Variants in SLCO5A1 observed in about 807,000 individuals in gnomAD.
SLCO5A1 encodes solute carrier organic anion transporter family member 5A1, also known as organic anion transporter polypeptide-related protein 4.
SLCO5A1 carries 39 observed loss-of-function variants against 65.1 expected under a neutral mutation model. The observed-to-expected ratio is 0.60, with a 90% CI of 0.46 to 0.78. The LOEUF is 0.78. Among genes scored for constraint, SLCO5A1 ranks in the 30% least tolerant of loss-of-function variants. The pLI is 0.00. For synonymous variants in SLCO5A1, 438 were observed against 415.7 expected (o/e 1.05, Z -0.65); for missense variants, 1,029 against 1,069.4 (o/e 0.96, Z 0.53).
chr8:69,732,780 T>A (rs888611600), intron 5 of SLCO5A1, among the ~76,000 whole-genome samples: 3 of 152,078 alleles, frequency 2.0e-5, no homozygotes, highest in Non-Finnish European at 1.5e-5. Context: ...TCCCAGCTAC[T>A]TGGGAGGCTG....
intron 2 of SLCO5A1, among the ~76,000 whole-genome samples, chr8:69,826,051 T>C (rs1399235420): frequency 6.6e-6 from 1 of 152,222 alleles, no homozygotes; most frequent in African/African-American, 2.4e-5. Context: ...ATTTAATAAA[T>C]GGTGCTGGGA....
Position 69,672,931 on chromosome 8 carries a change from T to C in SLCO5A1, c.2485A>G (p.Ile829Val), listed in dbSNP as rs1012691222. The stretch of plus-strand genomic sequence containing the variant: ...AGCCCCGGGTCCGCAGAGGAACTTA[T>C]TGCTTCTGGGAAGGGCCCCGGGTAG... ...QTYPGPFPEA[I>V]SSSADPGLEE... Residue 829 changes from isoleucine (I) to valine (V), a missense_variant, in exon 10 of 10, where the codon ATA becomes GTA. Around this residue, in one of 3 missense-constraint regions of SLCO5A1, gnomAD observed 258 missense variants for 237.4 expected, o/e 1.09. Transcript: ENST00000260126. The C allele has an allele frequency of 5.0e-6, 8 of 1,614,104 alleles. No individual in the cohort carries two copies. Among genetic ancestry groups the C allele is most frequent in the African/African-American group, 4.0e-5 (3 of 74,950 alleles).
At chr8:69,798,757 C>A (rs985907777) in intron 2 of SLCO5A1, among the ~76,000 whole-genome samples, 4 of 152,142 alleles carry the variant, frequency 2.6e-5, no homozygotes, top group Admixed American at 6.5e-5. Flanking sequence ...AACCTTTGAA[C>A]AATGTGGAGG....
intron 2 of SLCO5A1, among the ~76,000 whole-genome samples, chr8:69,782,636 A>G (rs1818844762): frequency 6.6e-6 from 1 of 152,144 alleles, no homozygotes; most frequent in Admixed American, 6.5e-5. Context: ...ACAATAAGAA[A>G]GAGAACTTAT....
chr8:69,673,384 A>G, intron 9 of SLCO5A1, 58 bp from the exon 10 acceptor site: 1 of 1,454,682 alleles, frequency 6.9e-7, no homozygotes, highest in Non-Finnish European at 9.5e-7. Context: ...AAGGGAAAAC[A>G]GGTTTGTAAA....
chr8:69,790,706 T>A (rs1448916686), intron 2 of SLCO5A1, among the ~76,000 whole-genome samples: 1 of 151,992 alleles, frequency 6.6e-6, no homozygotes, highest in East Asian at 1.9e-4. Flanking sequence ...CGTGCACACA[T>A]CAGAATAATA....
intron 4 of SLCO5A1, 47 bp from the exon 5 acceptor site, chr8:69,738,251 G>A (rs1816647339): frequency 6.7e-7 from 1 of 1,495,698 alleles, no homozygotes; most frequent in Admixed American, 2.0e-5. Context: ...ACAATGGATG[G>A]AAAACAAAAT....
At chr8:69,681,799 G>A (rs186409200) in intron 7 of SLCO5A1, among the ~76,000 whole-genome samples, 8 of 152,226 alleles carry the variant, frequency 5.3e-5, no homozygotes, top group Admixed American at 3.3e-4. Flanking sequence ...CCAGTCAGGG[G>A]AGGTGCTTTC....
intron 2 of SLCO5A1, among the ~76,000 whole-genome samples, chr8:69,797,408 G>C (rs931007719): frequency 2.0e-5 from 3 of 152,108 alleles, no homozygotes; most frequent in African/African-American, 7.2e-5. Flanking sequence ...TGAAATCTGG[G>C]CACCTTGAAA....
rs117052342 is a variant in SLCO5A1, at chr8:69,710,820, T to C, written c.1424-5591A>G. Among the ~76,000 whole-genome samples, 1,340 of 152,102 alleles carry C rather than the reference T, an allele frequency of 8.8e-3. 8 individuals are homozygous for C. Among genetic ancestry groups the C allele is most frequent in the Middle Eastern group, 0.027 (8 of 294 alleles). ...CAAACAGAGTGAAGACCCATGAAAA[T>C]GTTCTTCGGCGCCCCCATCATCTGT... is the stretch of plus-strand genomic sequence containing the variant. On this transcript the variant is annotated intron_variant, in intron 5 of 9. Coordinates refer to ENST00000260126, the MANE Select transcript of SLCO5A1 (RefSeq NM_030958.3).
chr8:69,806,479 C>A (rs143751326), intron 2 of SLCO5A1, among the ~76,000 whole-genome samples: 3 of 152,288 alleles, frequency 2.0e-5, no homozygotes, highest in East Asian at 1.9e-4. Flanking sequence ...TACACTGTAG[C>A]CATTGATCTT....
intron 4 of SLCO5A1, among the ~76,000 whole-genome samples, chr8:69,741,756 A>T (rs1816795544): frequency 6.6e-6 from 1 of 152,200 alleles, no homozygotes; most frequent in Non-Finnish European, 1.5e-5. Context: ...ACCAAATCCA[A>T]ATTGAAGGAT....
At chr8:69,749,799 ATAAG>A (rs1800053109) in intron 4 of SLCO5A1, among the ~76,000 whole-genome samples, 1 of 152,116 alleles carries the variant, frequency 6.6e-6, no homozygotes, top group Admixed American at 6.5e-5. Context: ...GAGACAATAA[ATAAG>A]TAAGTAAAAT....
intron 2 of SLCO5A1, among the ~76,000 whole-genome samples, chr8:69,769,785 A>G (rs1818234772): frequency 6.6e-6 from 1 of 152,270 alleles, no homozygotes; most frequent in South Asian, 2.1e-4. Context: ...CAGAAAGGCC[A>G]GTGTAGGGTA....
At chr8:69,803,943 A>G (rs556206705) in intron 2 of SLCO5A1, among the ~76,000 whole-genome samples, 1 of 152,270 alleles carries the variant, frequency 6.6e-6, no homozygotes, top group South Asian at 2.1e-4. Flanking sequence ...CTCTGTCTCT[A>G]AAAAATAAAA....
rs923388044 is a variant in SLCO5A1 at position 69,671,554 on chromosome 8, A to G, written c.*1315T>C. 2.6e-5 allele frequency: 4 copies of G among 152,196 alleles called. No individual in the cohort carries two copies. The allele number at this position is 152,196 out of a possible 1,614,324, so 9.4% of individuals were successfully genotyped here. A position where few individuals can be genotyped will look rare whatever the true frequency, so the allele number is the denominator to read the frequency against. ...GCATTCTCTATGATGCTTACTTCAAAGTGATGTGCTGGGAGGTACTGAAAA... is the reference window on the plus strand; with the variant it reads ...GCATTCTCTATGATGCTTACTTCAAGGTGATGTGCTGGGAGGTACTGAAAA... On this transcript the variant is annotated 3_prime_UTR_variant, in exon 10 of 10. Coordinates refer to ENST00000260126, the MANE Select transcript of SLCO5A1 (RefSeq NM_030958.3).
intron 2 of SLCO5A1, among the ~76,000 whole-genome samples, chr8:69,827,106 A>C (rs949123998): frequency 4.4e-4 from 59 of 133,950 alleles, no homozygotes; most frequent in African/African-American, 1.6e-3. Context: ...ATGAGAACAC[A>C]TGGACACAGA....
At chr8:69,802,216 A>G (rs1819773082) in intron 2 of SLCO5A1, among the ~76,000 whole-genome samples, 1 of 152,160 alleles carries the variant, frequency 6.6e-6, no homozygotes, top group Admixed American at 6.5e-5. Flanking sequence ...AAAACGTTTA[A>G]TGTGGGCTGG....
At chr8:69,794,627 C>A in intron 2 of SLCO5A1, 1 of 317,424 alleles carries the variant, frequency 3.2e-6, no homozygotes, top group South Asian at 2.9e-5. Context: ...TTTAGCAATT[C>A]TGCTTTCAGG....
Sources: gnomAD v4.1 joint callset for allele counts (sites outside exome capture counted in the v4.1 genomes callset) on GRCh38, gnomAD v4.1.1 for gene constraint, gnomAD v4.1.1 regional missense constraint, MANE v1.5 for transcripts, NCBI Gene and HGNC (gene_info 2026-07-23, HGNC 2026-07-21) for gene names.